Variants in DTNBP1 observed in about 807,000 individuals in gnomAD.
The protein encoded by DTNBP1 is dysbindin.
In DTNBP1, 35 loss-of-function variants were observed where a neutral mutation model predicts 42.8. The ratio of observed to expected loss-of-function variants is 0.82; its 90% confidence interval spans 0.63 to 1.09. The LOEUF is 1.09. Ranked by LOEUF, DTNBP1 falls within the 50% of genes least tolerant of loss-of-function variation. The pLI is 0.00. For missense variants in DTNBP1, 457 were observed against 424.2 expected (o/e 1.08, Z -0.68); for synonymous variants, 171 against 162.2 (o/e 1.05, Z -0.41).
chr6:15,533,274 C>G lies in DTNBP1; in HGVS notation c.633G>C (p.Leu211=). 1 of 1,614,180 alleles carries G rather than the reference C, an allele frequency of 6.2e-7. No individual in the cohort carries two copies. Among genetic ancestry groups the G allele is most frequent in the Non-Finnish European group, 8.5e-7 (1 of 1,180,052 alleles). The change falls in exon 8 of 10, where the codon CTG becomes CTC. Residue 211 remains leucine (L), a synonymous_variant. Coordinates refer to ENST00000344537, the MANE Select transcript of DTNBP1 (RefSeq NM_032122.5). ...CTGCAATCTGCAGGTAGCCAGTGGACAGGTACTGCTCCATGTCCTGCTGGA... is the reference window on the plus strand; with the variant it reads ...CTGCAATCTGCAGGTAGCCAGTGGAGAGGTACTGCTCCATGTCCTGCTGGA... ...EAFQQDMEQY[L]STGYLQIAER...
In DTNBP1 at chr6:15,605,057, C is replaced by G. The variant is rs555073351; in HGVS notation, c.488+10210G>C. Among the ~76,000 whole-genome samples the G allele has an allele frequency of 2.0e-5, 3 of 152,270 alleles. No individual in the cohort carries two copies. The South Asian group carries it at 6.2e-4, about 32-fold the overall frequency. ...TAATTAACAAGAATTGCTAAAATCA[C>G]TGTTCTTCAAGATGTTACTATTTTT... On this transcript the variant is annotated intron_variant, in intron 6 of 9. Coordinates refer to ENST00000344537, the MANE Select transcript of DTNBP1 (RefSeq NM_032122.5).
At chr6:15,531,851 C>T (rs1772852538) in intron 8 of DTNBP1, among the ~76,000 whole-genome samples, 3 of 152,224 alleles carry the variant, frequency 2.0e-5, no homozygotes, top group Admixed American at 1.3e-4. Flanking sequence ...CCAGGATGGT[C>T]TCCATCTCTT....
intron 7 of DTNBP1, 68 bp from the exon 8 acceptor site, chr6:15,533,463 C>T: frequency 1.1e-5 from 18 of 1,612,110 alleles, no homozygotes; most frequent in Non-Finnish European, 1.5e-5. Flanking sequence ...GTATAAACAG[C>T]TGCTCGCATC....
intron 4 of DTNBP1, among the ~76,000 whole-genome samples, chr6:15,630,892 T>C (rs1236594753): frequency 6.6e-6 from 1 of 152,206 alleles, no homozygotes; most frequent in Non-Finnish European, 1.5e-5. Context: ...CACTCCAGCC[T>C]GGAGACAGAT....
chr6:15,525,234 C>T (rs1381569322), intron 8 of DTNBP1, among the ~76,000 whole-genome samples: 2 of 152,218 alleles, frequency 1.3e-5, no homozygotes, highest in South Asian at 2.1e-4. Flanking sequence ...CAGCAGACGG[C>T]GACCCCATGA....
chr6:15,529,721 A>T (rs1465958296), intron 8 of DTNBP1, among the ~76,000 whole-genome samples: 1 of 152,284 alleles, frequency 6.6e-6, no homozygotes, highest in African/African-American at 2.4e-5. Context: ...GAGGTGATTT[A>T]TTAATAAGTA....
intron 7 of DTNBP1, among the ~76,000 whole-genome samples, chr6:15,570,081 T>C (rs137937180): frequency 6.6e-6 from 1 of 152,166 alleles, no homozygotes; most frequent in Non-Finnish European, 1.5e-5. Flanking sequence ...ATGCCTACTA[T>C]ACAGGGGTAG....
intron 7 of DTNBP1, among the ~76,000 whole-genome samples, chr6:15,560,431 CTCTA>C (rs1175653757): frequency 2.0e-5 from 3 of 152,108 alleles, no homozygotes; most frequent in African/African-American, 4.8e-5. Context: ...ATTTCTTTCT[CTCTA>C]TCTGATTTCT....
intron 7 of DTNBP1, among the ~76,000 whole-genome samples, chr6:15,565,729 T>G (rs1775042744): frequency 6.6e-6 from 1 of 152,122 alleles, no homozygotes; most frequent in Non-Finnish European, 1.5e-5. Context: ...CTTTTTGGGG[T>G]GATGAAATAT....
chr6:15,584,705 C>CTTTTTTTTTTTTTTTTTTTTTTTTT (rs147548247), intron 7 of DTNBP1, among the ~76,000 whole-genome samples: 1 of 86,432 alleles, frequency 1.2e-5, no homozygotes, highest in Non-Finnish European at 2.4e-5. Context: ...ACATGTATTT[C>CTTTTTTTTTTTTTTTTTTTTTTTTT]TTTTTTTTTT....
chr6:15,534,891 T>C (rs1773123337), intron 7 of DTNBP1, among the ~76,000 whole-genome samples: 1 of 152,146 alleles, frequency 6.6e-6, no homozygotes, highest in East Asian at 1.9e-4. Context: ...CCCTTCAAGG[T>C]AAGCCTTAGT....
chr6:15,637,878 G>A (rs534226271), intron 3 of DTNBP1, 74 bp from the exon 4 acceptor site: 2 of 1,446,426 alleles, frequency 1.4e-6, no homozygotes, highest in South Asian at 2.3e-5. Context: ...GATGAATGTG[G>A]AATATCCTGT....
At chr6:15,629,498 G>A (rs1581412547) in intron 4 of DTNBP1, among the ~76,000 whole-genome samples, 1 of 152,012 alleles carries the variant, frequency 6.6e-6, no homozygotes, top group Non-Finnish European at 1.5e-5. Flanking sequence ...ATTAAATTCT[G>A]AATATAGAAT....
intron 7 of DTNBP1, among the ~76,000 whole-genome samples, chr6:15,541,752 A>G (rs960477748): frequency 6.6e-6 from 1 of 152,194 alleles, no homozygotes; most frequent in Non-Finnish European, 1.5e-5. Flanking sequence ...CGGAATAATC[A>G]ATTCTCAATT....
chr6:15,563,562 T>C (rs1011928560), intron 7 of DTNBP1, among the ~76,000 whole-genome samples: 3 of 152,224 alleles, frequency 2.0e-5, no homozygotes, highest in African/African-American at 4.8e-5. Flanking sequence ...GATGTTAGAA[T>C]CATAAGGCTT....
intron 6 of DTNBP1, among the ~76,000 whole-genome samples, chr6:15,598,572 G>C (rs1776602721): frequency 6.6e-6 from 1 of 152,030 alleles, no homozygotes; most frequent in Admixed American, 6.6e-5. Context: ...TTGTTCCTGG[G>C]AAAGATCTCA....
intron 7 of DTNBP1, among the ~76,000 whole-genome samples, chr6:15,564,426 G>C (rs1211366528): frequency 6.7e-6 from 1 of 150,094 alleles, no homozygotes; most frequent in African/African-American, 2.5e-5. Context: ...TGATTTTTTT[G>C]AGACAAGGTC....
At chr6:15,532,468 A>G (rs556359998) in intron 8 of DTNBP1, among the ~76,000 whole-genome samples, 1 of 152,146 alleles carries the variant, frequency 6.6e-6, no homozygotes, top group Admixed American at 6.5e-5. Context: ...ATTTTTAACA[A>G]CAGGCGGAAA....
intron 7 of DTNBP1, among the ~76,000 whole-genome samples, chr6:15,580,665 T>C (rs1308697816): frequency 6.6e-6 from 1 of 152,254 alleles, no homozygotes; most frequent in Non-Finnish European, 1.5e-5. Context: ...TGTTTGAGGC[T>C]ATTGCAGACT....
Sources: gnomAD v4.1 joint callset for allele counts (sites outside exome capture counted in the v4.1 genomes callset) on GRCh38, gnomAD v4.1.1 for gene constraint, MANE v1.5 for transcripts, NCBI Gene and HGNC (gene_info 2026-07-23, HGNC 2026-07-21) for gene names.